DOCK1: variants seen among roughly 807,000 people sequenced by gnomAD.
DOCK1 encodes the protein dedicator of cytokinesis protein 1.
In DOCK1, 138 loss-of-function variants were observed where a neutral mutation model predicts 262.7. The observed-to-expected ratio is 0.53, with a 90% CI of 0.46 to 0.61. DOCK1 has a LOEUF of 0.61. Ranked by LOEUF, DOCK1 falls within the 20% of genes least tolerant of loss-of-function variation. The probability of loss-of-function intolerance (pLI) is 0.00; values close to 1 mark genes in which losing one functional copy is unlikely to be tolerated. For missense variants in DOCK1, 1,908 were observed against 2,370.7 expected (o/e 0.80, Z 4.05); for synonymous variants, 866 against 867.4 (o/e 1.00, Z 0.03).
At chr10:127,402,845 G>A (rs2134318081) in intron 38 of DOCK1, 1 of 664,428 alleles carries the variant, frequency 1.5e-6, no homozygotes, top group Non-Finnish European at 2.8e-6. Context: ...ACATGCCAGT[G>A]ATTGACCTCT....
In DOCK1 at chr10:127,403,231, G is replaced by T. The variant is rs2067326899; in HGVS notation, c.4017+87G>T. On this transcript the variant is annotated intron_variant, in intron 39 of 51. Transcript: ENST00000623213. ...TCTCTCTTTCCATGTCAATGTTAGG[G>T]TTCACCCCAGGCACTCTGGGACCTT... is the stretch of plus-strand genomic sequence containing the variant. 3.6e-6 allele frequency: 5 copies of T among 1,377,914 alleles called. No homozygotes were observed. In the Admixed American group the frequency reaches 8.1e-5, roughly 22 times the overall value. The allele number at this position is 1,377,914 out of a possible 1,614,324, so 85.4% of individuals were successfully genotyped here.
At chr10:127,102,531 T>TA (rs2048311903) in intron 23 of DOCK1, among the ~76,000 whole-genome samples, 1 of 152,186 alleles carries the variant, frequency 6.6e-6, no homozygotes, top group Non-Finnish European at 1.5e-5. Context: ...CTTAGTCACT[T>TA]AAAAAATTAA....
chr10:127,261,798 CATGTGG>C (rs1239803986), intron 29 of DOCK1, among the ~76,000 whole-genome samples: 1 of 88,672 alleles, frequency 1.1e-5, no homozygotes, highest in Non-Finnish European at 2.1e-5. Context: ...CATGTGTGTG[CATGTGG>C]GTGTGGGTGT....
At chr10:127,168,689 A>G (rs978440053) in intron 27 of DOCK1, among the ~76,000 whole-genome samples, 2 of 152,208 alleles carry the variant, frequency 1.3e-5, no homozygotes, top group African/African-American at 4.8e-5. Context: ...GAGAGTGCAT[A>G]GCCAAATTGG....
intron 23 of DOCK1, among the ~76,000 whole-genome samples, chr10:127,090,519 A>G (rs2047456768): frequency 6.6e-6 from 1 of 151,976 alleles, no homozygotes; most frequent in Admixed American, 6.6e-5. Context: ...TACATATAAC[A>G]TAAAGTTAAT....
chr10:127,141,206 T>G (rs1215670790), intron 27 of DOCK1, among the ~76,000 whole-genome samples: 1 of 152,198 alleles, frequency 6.6e-6, no homozygotes, highest in African/African-American at 2.4e-5. Flanking sequence ...GTCTTATTTG[T>G]TTTTGCACTA....
chr10:127,212,623 C>T (rs2058031176), intron 27 of DOCK1, among the ~76,000 whole-genome samples: 1 of 151,974 alleles, frequency 6.6e-6, no homozygotes, highest in Admixed American at 6.5e-5. Flanking sequence ...TCCCGATGCC[C>T]AGCAAGGCCG....
At chr10:127,129,280 G>A (rs2050161376) in intron 27 of DOCK1, among the ~76,000 whole-genome samples, 1 of 152,106 alleles carries the variant, frequency 6.6e-6, no homozygotes, top group Admixed American at 6.5e-5. Context: ...TAAACTTAAA[G>A]TTTAAACTTA....
chr10:126,926,388 AAG>A lies in DOCK1; in HGVS notation c.46+20827_46+20828del, dbSNP rs199577283. On this transcript the variant is annotated intron_variant, in intron 1 of 51. Coordinates refer to ENST00000623213, the MANE Select transcript of DOCK1 (RefSeq NM_001290223.2). ...TGAGATTTCCAGGAAAAGTAGACAA[AAG>A]AAAAAAAAGAACTTTGAACAACATT... Among the ~76,000 whole-genome samples the A allele has an allele frequency of 1.2e-3, 179 of 152,168 alleles. 7 individuals are homozygous for A. The East Asian group carries it at 0.033, about 28-fold the overall frequency.
intron 29 of DOCK1, among the ~76,000 whole-genome samples, chr10:127,261,728 TGC>T (rs1270594816): frequency 8.0e-5 from 11 of 138,266 alleles, no homozygotes; most frequent in South Asian, 4.8e-4. Flanking sequence ...CATGTGGGTG[TGC>T]GTGTGTGTAC....
At position 127,419,676 on chromosome 10, in the gene DOCK1, C is replaced by G. The variant is rs1033275695; in HGVS notation, c.4703C>G (p.Thr1568Arg). ...GFANYEKAFF[T>R]DRYLQEHPEA... is the part of the protein sequence containing the mutation. ...CCTTGTCTCCACCAGGCCTTCTTTA[C>G]AGACCGGTACCTGCAGGAGCACCCT... The change falls in exon 46 of 52, where the codon ACA becomes AGA. Residue 1568 changes from threonine to arginine, a missense_variant. Physicochemically the swap from Thr to Arg is moderately conservative, Grantham distance 71. Coordinates refer to ENST00000623213, the MANE Select transcript of DOCK1 (RefSeq NM_001290223.2). The G allele has an allele frequency of 6.2e-7, 1 of 1,604,248 alleles. No homozygotes were observed. The highest frequency in any genetic ancestry group is 2.2e-5 in the East Asian group (1 of 44,508).
At chr10:127,210,408 C>T (rs2057925154) in intron 27 of DOCK1, among the ~76,000 whole-genome samples, 2 of 152,214 alleles carry the variant, frequency 1.3e-5, no homozygotes, top group Non-Finnish European at 2.9e-5. Context: ...AGAATTTCTT[C>T]TGCAGGATGT....
intron 4 of DOCK1, among the ~76,000 whole-genome samples, chr10:126,984,408 C>T (rs990769561): frequency 1.2e-4 from 19 of 152,134 alleles, no homozygotes; most frequent in Admixed American, 3.3e-4. Context: ...AGTGCAGTGG[C>T]GAGATCTTGG....
rs562575974 is a variant in DOCK1 at position 127,125,534 on chromosome 10, A to C, written c.2684A>C (p.Gln895Pro). The change falls in exon 26 of 52, where the codon CAG becomes CCG. Residue 895 changes from glutamine (Q) to proline (P), a missense_variant. Physicochemically the swap from Gln to Pro is moderately conservative, Grantham distance 76 (BLOSUM62 -1). Around this residue, in one of 9 missense-constraint regions of DOCK1, gnomAD observed 518 missense variants for 575.1 expected, o/e 0.90. Transcript: ENST00000623213. Reference sequence around the variant, plus strand: ...CAGCTCAAGTACCATCTGGAGAGACAGGAGGACCTGGAGGCCTGCTGTCAG... The same window carrying C: ...CAGCTCAAGTACCATCTGGAGAGACCGGAGGACCTGGAGGCCTGCTGTCAG... Reference protein sequence around the residue: ...TDQLKYHLERQEDLEACCQLL... With the variant: ...TDQLKYHLERPEDLEACCQLL... 6.2e-7 allele frequency: 1 copy of C among 1,613,912 alleles called. No individual in the cohort carries two copies.
chr10:127,048,856 GTTCC>G (rs2044519660), intron 21 of DOCK1, among the ~76,000 whole-genome samples: 1 of 152,190 alleles, frequency 6.6e-6, no homozygotes, highest in Non-Finnish European at 1.5e-5. Flanking sequence ...TAGATGGGAA[GTTCC>G]TTGATCTGAT....
intron 48 of DOCK1, among the ~76,000 whole-genome samples, chr10:127,433,930 G>A (rs1352663463): frequency 6.6e-6 from 1 of 151,962 alleles, no homozygotes; most frequent in East Asian, 1.9e-4. Flanking sequence ...TGTGGCTCAG[G>A]GAAGCCAAAA....
At chr10:127,309,938 C>T (rs945178445) in intron 29 of DOCK1, among the ~76,000 whole-genome samples, 7 of 151,108 alleles carry the variant, frequency 4.6e-5, no homozygotes, top group South Asian at 2.1e-4. Context: ...TGCAGTGGCA[C>T]GACCTCAGCT....
intron 27 of DOCK1, among the ~76,000 whole-genome samples, chr10:127,187,312 T>C (rs2056364134): frequency 6.6e-6 from 1 of 152,200 alleles, no homozygotes; most frequent in Non-Finnish European, 1.5e-5. Context: ...CAAAAGCCTG[T>C]GTAGTTCATG....
At chr10:127,419,593 G>T in intron 45 of DOCK1, 73 bp from the exon 46 acceptor site, 1 of 1,366,236 alleles carries the variant, frequency 7.3e-7, no homozygotes, top group East Asian at 2.5e-5. Context: ...CTCAGGGCCT[G>T]GCACACAGTA....
Sources: allele counts gnomAD v4.1 joint callset (sites outside exome capture counted in the v4.1 genomes callset), GRCh38; gene constraint gnomAD v4.1.1; regional missense constraint gnomAD v4.1.1; transcripts MANE v1.5; gene names NCBI Gene and HGNC (gene_info 2026-07-23, HGNC 2026-07-21).